Variants in ACAP2 observed in about 807,000 individuals in gnomAD.
The protein encoded by ACAP2 is arf-GAP with coiled-coil, ANK repeat and PH domain-containing protein 2.
In ACAP2, 39 loss-of-function variants were observed where a neutral mutation model predicts 115.8. That is an observed-to-expected ratio of 0.34 (90% CI 0.26 to 0.44). The LOEUF is 0.44. ACAP2 is among the 20% of genes least tolerant of loss of function. The probability of loss-of-function intolerance (pLI) is 1.00; values close to 1 mark genes in which losing one functional copy is unlikely to be tolerated. For synonymous variants in ACAP2, 289 were observed against 315.8 expected, an observed-to-expected ratio of 0.92 and a Z score of 0.90; for missense variants, 662 against 927.6, an observed-to-expected ratio of 0.71 and a Z score of 3.72.
chr3:195,275,081 A>C lies in ACAP2; in HGVS notation c.*4247T>G, dbSNP rs531841960. The C allele has an allele frequency of 6.5e-6, 1 of 152,806 alleles. No homozygotes were observed. The highest frequency in any genetic ancestry group is 1.9e-4 in the East Asian group (1 of 5,192). The allele number at this position is 152,806 out of a possible 1,614,324, so 9.5% of individuals were successfully genotyped here. On this transcript the variant is annotated 3_prime_UTR_variant, in exon 23 of 23. Transcript: ENST00000326793. ...TATATAAAAGTAGCTCATCATTTCC[A>C]AAAGTTAACCTTTAGCCTTTGTGTA... is the stretch of plus-strand genomic sequence containing the variant.
intron 1 of ACAP2, among the ~76,000 whole-genome samples, chr3:195,430,076 GA>G (rs1423868527): frequency 6.6e-6 from 1 of 152,180 alleles, no homozygotes; most frequent in Non-Finnish European, 1.5e-5. Flanking sequence ...AAAGGAAGAT[GA>G]AAAGGACAGG....
chr3:195,348,986 T>C (rs577215550), intron 4 of ACAP2, among the ~76,000 whole-genome samples: 2 of 152,116 alleles, frequency 1.3e-5, no homozygotes, highest in African/African-American at 4.8e-5. Context: ...ATAAAAAGCA[T>C]ACAGATTAGA....
rs1295841580 is a variant in ACAP2, at chr3:195,372,953, A to C, written c.285+8056T>G. The stretch of plus-strand genomic sequence containing the variant: ...CAGTGAGCCAAGATGGCACCACTGC[A>C]CTCCAGCCTGGGCGACAGAGCGAGA... On this transcript the variant is annotated intron_variant, in intron 4 of 22. Transcript: ENST00000326793. Among the ~76,000 whole-genome samples the C allele has an allele frequency of 3.6e-5, 5 of 140,756 alleles. No individual in the cohort carries two copies. In the Admixed American group the frequency reaches 3.9e-4, roughly 11 times the overall value. 92.3% of individuals were successfully genotyped at this position (140,756 alleles called of 152,430 possible).
intron 6 of ACAP2, among the ~76,000 whole-genome samples, chr3:195,338,408 C>T (rs898410622): frequency 6.6e-6 from 1 of 152,144 alleles, no homozygotes; most frequent in Non-Finnish European, 1.5e-5. Context: ...CTGCCTTAGC[C>T]CCCAGCAATG....
intron 1 of ACAP2, among the ~76,000 whole-genome samples, chr3:195,426,102 C>T (rs1714666817): frequency 6.6e-6 from 1 of 152,192 alleles, no homozygotes; most frequent in African/African-American, 2.4e-5. Context: ...ATGACCTCAT[C>T]CTTGCCTACC....
chr3:195,293,463 GATA>G (rs1560208413), intron 18 of ACAP2, among the ~76,000 whole-genome samples: 1 of 152,182 alleles, frequency 6.6e-6, no homozygotes, highest in African/African-American at 2.4e-5. Flanking sequence ...AAAGATAAAC[GATA>G]ATAAGACAGT....
intron 10 of ACAP2, among the ~76,000 whole-genome samples, chr3:195,314,289 G>A (rs922997314): frequency 4.7e-5 from 7 of 148,422 alleles, no homozygotes; most frequent in East Asian, 2.0e-4. Context: ...TTTTTGAGAC[G>A]AAGTCTCACT....
rs185526790 is a variant in ACAP2, at chr3:195,424,684, G to C, written c.53+18111C>G. ...CTATAATCCCACCTGGGGAGGCCAA[G>C]ATGGGAGGATAGCTTCAGCCCAGGA... On this transcript the variant is annotated intron_variant, in intron 1 of 22. Coordinates refer to ENST00000326793, the MANE Select transcript of ACAP2 (RefSeq NM_012287.6). 5.3e-3 allele frequency among the ~76,000 whole-genome samples: 799 copies of C among 151,986 alleles called. 9 individuals are homozygous for C. Among genetic ancestry groups the C allele is most frequent in the African/African-American group, 0.018 (751 of 41,456 alleles).
chr3:195,340,736 A>G (rs1312672155), intron 6 of ACAP2, among the ~76,000 whole-genome samples: 2 of 152,220 alleles, frequency 1.3e-5, no homozygotes, highest in African/African-American at 4.8e-5. Context: ...AAACCTCTGC[A>G]TGAGCCATTT....
chr3:195,410,168 G>A (rs181219327), intron 1 of ACAP2, among the ~76,000 whole-genome samples: 100 of 152,130 alleles, frequency 6.6e-4, no homozygotes, highest in African/African-American at 2.3e-3. Context: ...CAATGCAATG[G>A]GGAAAAGTCA....
At chr3:195,349,760 T>A (rs887638970) in intron 4 of ACAP2, 7 of 277,038 alleles carry the variant, frequency 2.5e-5, no homozygotes, top group Non-Finnish European at 4.9e-5. Context: ...ATCCATGGAG[T>A]GGGCTTCAAG....
In ACAP2 at chr3:195,347,896, TAACTATTCA is replaced by T. The variant is rs1320123393; in HGVS notation, c.286-2588_286-2580del. Among the ~76,000 whole-genome samples the T allele has an allele frequency of 1.7e-3, 266 of 152,134 alleles. 1 individual carries two copies. The highest frequency in any genetic ancestry group is 5.0e-3 in the African/African-American group (207 of 41,502). ...GCATGGTGGCACACACTTGTAGTCC[TAACTATTCA>T]AGAGACTAAGGCAAGAGAATCACTT... On this transcript the variant is annotated intron_variant, in intron 4 of 22. Transcript: ENST00000326793.
intron 2 of ACAP2, among the ~76,000 whole-genome samples, chr3:195,386,631 G>A (rs749965513): frequency 6.6e-5 from 10 of 151,980 alleles, no homozygotes; most frequent in Admixed American, 5.9e-4. Context: ...ATTACACAGC[G>A]GAGCCTGTCA....
At chr3:195,422,832 C>T (rs1714294847) in intron 1 of ACAP2, among the ~76,000 whole-genome samples, 2 of 152,136 alleles carry the variant, frequency 1.3e-5, no homozygotes, top group Non-Finnish European at 2.9e-5. Flanking sequence ...TTCTTCAAAT[C>T]CAAGGCCTCA....
At chr3:195,301,790 C>T (rs910484790) in intron 14 of ACAP2, 146 bp from the exon 15 acceptor site, 12 of 1,127,346 alleles carry the variant, frequency 1.1e-5, no homozygotes, top group African/African-American at 1.6e-5. Context: ...GAATGATGAA[C>T]CAAAGTCCTC....
chr3:195,431,826 A>G (rs1343486329), intron 1 of ACAP2, among the ~76,000 whole-genome samples: 2 of 152,068 alleles, frequency 1.3e-5, no homozygotes, highest in African/African-American at 4.8e-5. Context: ...CTGGCAGTGC[A>G]TGAGGGTTCT....
intron 4 of ACAP2, among the ~76,000 whole-genome samples, chr3:195,378,588 C>T (rs763230300): frequency 3.3e-5 from 5 of 152,034 alleles, no homozygotes; most frequent in Admixed American, 6.6e-5. Context: ...AGGCCAGGTG[C>T]GGTGGCTCAC....
intron 1 of ACAP2, chr3:195,419,645 C>T (rs1177219745): frequency 6.6e-6 from 1 of 152,162 alleles, no homozygotes; most frequent in Non-Finnish European, 1.5e-5. Flanking sequence ...AGCTAGCATA[C>T]ATTTTCATGT....
chr3:195,289,338 T>C (rs1324683797), intron 20 of ACAP2, 107 bp from the exon 21 acceptor site: 6 of 753,120 alleles, frequency 8.0e-6, no homozygotes, highest in Non-Finnish European at 1.3e-5. Flanking sequence ...ATTAGGAAAT[T>C]CTTGATTCAT....
Sources: gnomAD v4.1 joint callset for allele counts (sites outside exome capture counted in the v4.1 genomes callset) on GRCh38, gnomAD v4.1.1 for gene constraint, MANE v1.5 for transcripts, NCBI Gene and HGNC (gene_info 2026-07-23, HGNC 2026-07-21) for gene names.